CTNNA3: variants seen among roughly 807,000 people sequenced by gnomAD.
CTNNA3 encodes the protein catenin alpha-3.
A neutral mutation model predicts 95.7 loss-of-function variants in CTNNA3; 76 were observed. The ratio of observed to expected loss-of-function variants is 0.79; its 90% CI spans 0.66 to 0.96. The LOEUF is 0.96. Among genes scored for constraint, CTNNA3 ranks in the 40% least tolerant of loss-of-function variants. CTNNA3 has a pLI of 0.00. For missense variants in CTNNA3, 1,191 were observed against 1,089.8 expected, an observed-to-expected ratio of 1.09 and a Z score of -1.31; for synonymous variants, 431 against 374.4, an observed-to-expected ratio of 1.15 and a Z score of -1.74.
At chr10:67,071,064 C>T (rs1163416184) in intron 7 of CTNNA3, among the ~76,000 whole-genome samples, 2 of 152,090 alleles carry the variant, frequency 1.3e-5, no homozygotes, top group African/African-American at 4.8e-5. Flanking sequence ...TCATTTATCA[C>T]TTCTTACTTT....
At chr10:66,464,054 G>T (rs1195142017) in intron 11 of CTNNA3, among the ~76,000 whole-genome samples, 2 of 152,006 alleles carry the variant, frequency 1.3e-5, no homozygotes, top group Non-Finnish European at 2.9e-5. Flanking sequence ...TAAATTAAAT[G>T]ACTTTATTAA....
At chr10:67,521,781 G>C (rs946312405) in intron 5 of CTNNA3, 61 bp downstream of exon 5, 5 of 1,567,848 alleles carry the variant, frequency 3.2e-6, no homozygotes, top group African/African-American at 1.4e-5. Flanking sequence ...CCTCTGACAG[G>C]CAGGATGGCA....
At chr10:67,577,925 A>G (rs1842225536) in intron 3 of CTNNA3, among the ~76,000 whole-genome samples, 1 of 148,760 alleles carries the variant, frequency 6.7e-6, no homozygotes, top group Non-Finnish European at 1.5e-5. Context: ...GGAAATCTCC[A>G]TACAGTTTTC....
chr10:66,785,474 C>A (rs1298053262), intron 7 of CTNNA3, among the ~76,000 whole-genome samples: 1 of 152,154 alleles, frequency 6.6e-6, no homozygotes, highest in East Asian at 1.9e-4. Flanking sequence ...ATTTTGCTCT[C>A]TCTTCTCCAG....
At chr10:66,980,520 G>A (rs1850361352) in intron 7 of CTNNA3, among the ~76,000 whole-genome samples, 1 of 128,422 alleles carries the variant, frequency 7.8e-6, no homozygotes, top group South Asian at 2.2e-4. Context: ...TGTTTCCCAA[G>A]CAAAAATCAG....
At chr10:66,401,155 TA>T (rs2093016727) in intron 11 of CTNNA3, among the ~76,000 whole-genome samples, 1 of 152,168 alleles carries the variant, frequency 6.6e-6, no homozygotes, top group Non-Finnish European at 1.5e-5. Flanking sequence ...GTGTTAACCA[TA>T]AACTTGCATT....
At chr10:66,022,551 T>G (rs1330468951) in intron 15 of CTNNA3, among the ~76,000 whole-genome samples, 2 of 151,978 alleles carry the variant, frequency 1.3e-5, no homozygotes, top group Non-Finnish European at 2.9e-5. Context: ...GCATGTGTCC[T>G]ATATACACTT....
intron 7 of CTNNA3, among the ~76,000 whole-genome samples, chr10:66,915,340 G>A (rs1406403005): frequency 7.9e-5 from 12 of 152,026 alleles, no homozygotes; most frequent in Non-Finnish European, 1.8e-4. Flanking sequence ...AGTGACAGTG[G>A]TATGGGAAGA....
chr10:67,417,955 A>C (rs1017014474), intron 5 of CTNNA3, among the ~76,000 whole-genome samples: 6 of 152,194 alleles, frequency 3.9e-5, no homozygotes, highest in African/African-American at 1.4e-4. Flanking sequence ...GAAACAACCC[A>C]AATGTCCATC....
chr10:66,900,830 A>G (rs1438655326), intron 7 of CTNNA3, among the ~76,000 whole-genome samples: 1 of 152,212 alleles, frequency 6.6e-6, no homozygotes, highest in African/African-American at 2.4e-5. Flanking sequence ...ATTAGAGAAA[A>G]AAGAGTAAAA....
chr10:66,365,778 C>G (rs1201036759), intron 12 of CTNNA3, among the ~76,000 whole-genome samples: 1 of 151,724 alleles, frequency 6.6e-6, no homozygotes, highest in Non-Finnish European at 1.5e-5. Flanking sequence ...CTCTCTCTCT[C>G]TCTCATCTGG....
intron 7 of CTNNA3, among the ~76,000 whole-genome samples, chr10:66,899,385 G>T (rs73327403): frequency 0.084 from 12,782 of 152,192 alleles, 640 homozygotes; most frequent in African/African-American, 0.14. Flanking sequence ...CTGAAATCAA[G>T]ATGGTCGTTT....
At position 66,580,938 on chromosome 10, in the gene CTNNA3, A is replaced by T. The variant is rs549316573; in HGVS notation, c.1374+40754T>A. Among the ~76,000 whole-genome samples the T allele has an allele frequency of 6.7e-4, 101 of 151,704 alleles. 1 individual carries two copies. Among genetic ancestry groups the T allele is most frequent in the African/African-American group, 2.3e-3 (97 of 41,472 alleles). ...TTAAGTCTTCGATGTCTATTATACC[A>T]CTTGGTATGCCTTTGCATACCCATA... On this transcript the variant is annotated intron_variant, in intron 10 of 17. Transcript: ENST00000433211.
chr10:67,254,652 C>T (rs556997641), intron 5 of CTNNA3, among the ~76,000 whole-genome samples: 1 of 152,296 alleles, frequency 6.6e-6, no homozygotes, highest in South Asian at 2.1e-4. Context: ...AATGGTGGTC[C>T]TGTAAGATCG....
chr10:67,747,890 G>C (rs1028193965), intron 1 of CTNNA3, among the ~76,000 whole-genome samples: 6 of 152,146 alleles, frequency 3.9e-5, no homozygotes, highest in Non-Finnish European at 5.9e-5. Context: ...CTGTTAACTA[G>C]AATAACCAGT....
intron 7 of CTNNA3, among the ~76,000 whole-genome samples, chr10:66,776,630 G>A (rs1358436622): frequency 1.3e-5 from 2 of 151,918 alleles, no homozygotes; most frequent in Non-Finnish European, 2.9e-5. Flanking sequence ...ATAATTTTCT[G>A]TCTCTTCTCC....
intron 7 of CTNNA3, chr10:67,098,184 CTT>C (rs1246070739): frequency 1.3e-5 from 2 of 159,068 alleles, no homozygotes; most frequent in Non-Finnish European, 2.8e-5. Context: ...ACTTTAAAAA[CTT>C]TACACATTTC....
intron 11 of CTNNA3, among the ~76,000 whole-genome samples, chr10:66,415,276 C>T (rs1748742528): frequency 6.6e-6 from 1 of 152,108 alleles, no homozygotes; most frequent in Non-Finnish European, 1.5e-5. Flanking sequence ...TAGTTCACCA[C>T]TGATGACATA....
chr10:67,417,893 A>G (rs1845600108), intron 5 of CTNNA3, among the ~76,000 whole-genome samples: 1 of 152,240 alleles, frequency 6.6e-6, no homozygotes, highest in African/African-American at 2.4e-5. Flanking sequence ...ATGTCCACAC[A>G]AAACTTTTAC....
Sources: allele counts gnomAD v4.1 joint callset (sites outside exome capture counted in the v4.1 genomes callset), GRCh38; gene constraint gnomAD v4.1.1; transcripts MANE v1.5; gene names NCBI Gene and HGNC (gene_info 2026-07-23, HGNC 2026-07-21).